ZNF516: variants seen among roughly 807,000 people sequenced by gnomAD.
ZNF516 encodes the protein zinc finger protein 516.
ZNF516 carries 19 observed loss-of-function variants against 79.7 expected under a neutral mutation model. That is an observed-to-expected ratio of 0.24 (90% CI 0.17 to 0.35). The LOEUF (loss-of-function observed/expected upper bound fraction) is 0.35, where lower values mean the gene tolerates loss of function less well. ZNF516 is among the 10% of genes least tolerant of loss of function. ZNF516 has a pLI of 1.00. For synonymous variants in ZNF516, 877 were observed against 739.5 expected, an observed-to-expected ratio of 1.19 and a Z score of -3.02; for missense variants, 1,678 against 1,679.5, an observed-to-expected ratio of 1.00 and a Z score of 0.02.
Position 76,379,826 on chromosome 18 carries a change from G to A in ZNF516, c.2288C>T (p.Pro763Leu), listed in dbSNP as rs1425684552. Residue 763 changes from proline (P) to leucine (L), a missense_variant, in exon 4 of 7, where the codon CCT (proline) becomes CTT (leucine). By Grantham distance (98) the Pro-to-Leu change is moderately conservative (BLOSUM62 -3). Around this residue, in one of 5 missense-constraint regions of ZNF516, gnomAD observed 1,294 missense variants for 1,248.3 expected, o/e 1.04. Transcript: ENST00000443185. ...LQAALVVHPC[P>L]YCSHKTYYPE... ...GTAGTAGGTCTTGTGGCTGCAGTAA[G>A]GACACGGGTGAACGACTAAAGCCGC... 8 of 1,613,726 alleles carry A rather than the reference G, an allele frequency of 5.0e-6. No individual in the cohort carries two copies. Among genetic ancestry groups the A allele is most frequent in the Non-Finnish European group, 6.8e-6 (8 of 1,179,860 alleles).
intron 3 of ZNF516, among the ~76,000 whole-genome samples, chr18:76,380,997 G>A (rs2074883374): frequency 1.3e-5 from 2 of 152,226 alleles, no homozygotes; most frequent in South Asian, 2.1e-4. Flanking sequence ...CGGCTGCCCA[G>A]GAGAACTGAG....
intron 1 of ZNF516, among the ~76,000 whole-genome samples, chr18:76,472,766 C>T (rs117560708): frequency 0.011 from 1,663 of 152,170 alleles, 21 homozygotes; most frequent in Non-Finnish European, 0.014. Flanking sequence ...TAATAAAATC[C>T]GGCAATGATC....
chr18:76,452,355 T>C (rs891677373), intron 2 of ZNF516, among the ~76,000 whole-genome samples: 4 of 152,208 alleles, frequency 2.6e-5, no homozygotes, highest in African/African-American at 4.8e-5. Context: ...AAAGGTTGTC[T>C]TTACATTACT....
Position 76,442,556 on chromosome 18 carries a change from G to C in ZNF516, c.499C>G (p.Pro167Ala). 6.3e-7 allele frequency: 1 copy of C among 1,598,834 alleles called. No individual in the cohort carries two copies. The highest frequency in any genetic ancestry group is 1.1e-5 in the South Asian group (1 of 91,036). Residue 167 changes from proline (P) to alanine (A), a missense_variant, in exon 3 of 7, where the codon CCG becomes GCG. Pro to Ala is a conservative substitution (Grantham distance 27). Transcript: ENST00000443185. ...KKGAEGSACA[P>A]GEAKAAVQCS... ...TGGACCGCTGCCTTGGCCTCCCCCGGGGCGCATGCGGACCCCTCTGCCCCC... is the reference window on the plus strand; with the variant it reads ...TGGACCGCTGCCTTGGCCTCCCCCGCGGCGCATGCGGACCCCTCTGCCCCC...
intron 1 of ZNF516, chr18:76,492,682 A>C: frequency 7.2e-6 from 7 of 978,614 alleles, no homozygotes; most frequent in Non-Finnish European, 8.5e-6. Flanking sequence ...CACCAAGGCC[A>C]GAGAAACCGC....
At position 76,378,864 on chromosome 18, in the gene ZNF516, C is replaced by T. The variant is rs777853726; in HGVS notation, c.3250G>A (p.Glu1084Lys). 1 of 1,612,620 alleles carries T rather than the reference C, an allele frequency of 6.2e-7. No homozygotes were observed. Among genetic ancestry groups the T allele is most frequent in the Non-Finnish European group, 8.5e-7 (1 of 1,179,322 alleles). The change falls in exon 4 of 7, where the codon GAG becomes AAG. Residue 1084 changes from glutamate to lysine, a missense_variant. Glu to Lys is a moderately conservative substitution (Grantham distance 56). Coordinates refer to ENST00000443185, the MANE Select transcript of ZNF516 (RefSeq NM_014643.4). ...QGWGVSGPGL[E>K]HRGTLRTQAR... ...GGCCCGCACATCTTACCTCTGTGCT[C>T]CAACCCAGGGCCGCTGACACCCCAT...
intron 6 of ZNF516, among the ~76,000 whole-genome samples, chr18:76,364,921 T>G (rs1325033534): frequency 2.0e-5 from 3 of 152,262 alleles, no homozygotes; most frequent in African/African-American, 7.2e-5. Context: ...GGTAGCATAT[T>G]ATATTTAGAG....
Position 76,360,646 on chromosome 18 carries a change from A to AAAAAAAAAAATAT in ZNF516, c.*1851_*1852insATATTTTTTTTTT, listed in dbSNP as rs373540251. The AAAAAAAAAAATAT allele has an allele frequency of 1.5e-4, 11 of 72,446 alleles. No individual in the cohort carries two copies. Among genetic ancestry groups the AAAAAAAAAAATAT allele is most frequent in the Non-Finnish European group, 2.2e-4 (8 of 36,916 alleles). The allele number at this position is 72,446 out of a possible 1,614,324, so 4.5% of individuals were successfully genotyped here. A position where few individuals can be genotyped will look rare whatever the true frequency, so the allele number is the denominator to read the frequency against. On this transcript the variant is annotated 3_prime_UTR_variant, in exon 7 of 7. Transcript: ENST00000443185. ...AAAAAAATAAGTAAAAAAAAAAAAA[A>AAAAAAAAAAATAT]ATATATATATATATATATATATATA... is the stretch of plus-strand genomic sequence containing the variant.
At chr18:76,445,009 T>A (rs1599103737) in intron 2 of ZNF516, among the ~76,000 whole-genome samples, 1 of 152,060 alleles carries the variant, frequency 6.6e-6, no homozygotes, top group South Asian at 2.1e-4. Flanking sequence ...TGCTCCTTCC[T>A]CCAGGAACGC....
intron 2 of ZNF516, among the ~76,000 whole-genome samples, chr18:76,446,117 G>A (rs1177483189): frequency 1.3e-5 from 2 of 151,860 alleles, no homozygotes; most frequent in Admixed American, 6.6e-5. Flanking sequence ...CTTTCTAGGC[G>A]TGTCCTTCAC....
chr18:76,404,772 C>T (rs1426057719), intron 3 of ZNF516, among the ~76,000 whole-genome samples: 6 of 151,634 alleles, frequency 4.0e-5, no homozygotes, highest in African/African-American at 1.2e-4. Context: ...CATCTTTGAG[C>T]ATGAGTACAT....
intron 2 of ZNF516, among the ~76,000 whole-genome samples, chr18:76,444,497 A>T (rs1911921177): frequency 1.3e-5 from 2 of 152,198 alleles, no homozygotes; most frequent in Admixed American, 1.3e-4. Context: ...TATAAAACCC[A>T]AAGCAGCTCC....
intron 3 of ZNF516, 109 bp from the exon 4 acceptor site, chr18:76,380,412 G>A (rs2074872604): frequency 1.4e-6 from 2 of 1,391,720 alleles, no homozygotes; most frequent in Non-Finnish European, 1.9e-6. Context: ...TCTTCAGCGG[G>A]AGAAGCCACC....
At chr18:76,466,506 T>A (rs1913478884) in intron 1 of ZNF516, among the ~76,000 whole-genome samples, 1 of 152,188 alleles carries the variant, frequency 6.6e-6, no homozygotes, top group Non-Finnish European at 1.5e-5. Context: ...CCAAGCCAGG[T>A]GGGATGGCGG....
rs564854501 is a variant in ZNF516 at position 76,459,302 on chromosome 18, A to G, written c.-158+3726T>C. 4.2e-3 allele frequency among the ~76,000 whole-genome samples: 639 copies of G among 152,242 alleles called. 3 individuals are homozygous for G. Among genetic ancestry groups the G allele is most frequent in the Non-Finnish European group, 6.8e-3 (463 of 67,992 alleles). On this transcript the variant is annotated intron_variant, in intron 2 of 6. Coordinates refer to ENST00000443185, the MANE Select transcript of ZNF516 (RefSeq NM_014643.4). This position sits in a 1 kb window ranked among gnomAD's most constrained non-coding sequence, Gnocchi z 5.0. ...ACACTGGACCCAGTGCCAGCTCGGG[A>G]AATCCTGGGCCGGTGACAGCCCTGA...
At chr18:76,396,116 T>C (rs892578536) in intron 3 of ZNF516, among the ~76,000 whole-genome samples, 1 of 152,088 alleles carries the variant, frequency 6.6e-6, no homozygotes, top group Non-Finnish European at 1.5e-5. Context: ...TGACAGCAAA[T>C]AGGATATTCA....
chr18:76,450,817 A>G (rs1238304791), intron 2 of ZNF516, among the ~76,000 whole-genome samples: 1 of 152,176 alleles, frequency 6.6e-6, no homozygotes, highest in Non-Finnish European at 1.5e-5. Context: ...AATAATAACT[A>G]TGTCTCTGAA....
At chr18:76,370,493 C>T (rs774522428) in intron 6 of ZNF516, 35 bp downstream of exon 6, 3 of 1,567,906 alleles carry the variant, frequency 1.9e-6, no homozygotes, top group South Asian at 1.2e-5. Flanking sequence ...GCTACCGCAT[C>T]GAAACCCAGA....
intron 3 of ZNF516, among the ~76,000 whole-genome samples, chr18:76,397,431 T>C (rs1047299430): frequency 3.9e-5 from 6 of 152,356 alleles, no homozygotes; most frequent in Admixed American, 1.3e-4. Context: ...TGGAACTGAA[T>C]GGTATTATAA....
Sources: allele counts gnomAD v4.1 joint callset (sites outside exome capture counted in the v4.1 genomes callset), GRCh38; gene constraint gnomAD v4.1.1; regional missense constraint gnomAD v4.1.1; non-coding constraint Gnocchi (gnomAD v3.1); transcripts MANE v1.5; gene names NCBI Gene and HGNC (gene_info 2026-07-23, HGNC 2026-07-21).